The following SLC11A1 variants were observed in gnomAD, a reference collection of about 807,000 sequenced individuals.
SLC11A1 encodes the protein solute carrier family 11 member 1, also known as natural resistance-associated macrophage protein 1.
Under a neutral mutation model 63.2 loss-of-function variants are expected in SLC11A1, and 59 were observed. The ratio of observed to expected loss-of-function variants is 0.93; its 90% CI spans 0.76 to 1.16. The LOEUF (loss-of-function observed/expected upper bound fraction) is 1.16, where lower values mean the gene tolerates loss of function less well. Among genes scored for constraint, SLC11A1 ranks in the 50% most tolerant of loss-of-function variants. SLC11A1 has a pLI of 0.00. For missense variants in SLC11A1, 688 were observed against 730.7 expected (o/e 0.94, Z 0.67); for synonymous variants, 305 against 307.8 (o/e 0.99, Z 0.09).
In SLC11A1 at chr2:218,392,786, C is replaced by G. The variant is rs112890132; in HGVS notation, c.1165-195C>G. The G allele has an allele frequency of 7.3e-3, 3,596 of 494,508 alleles. 113 individuals are homozygous for G. Among genetic ancestry groups the G allele is most frequent in the African/African-American group, 0.067 (3,284 of 49,358 alleles). The allele number at this position is 494,508 out of a possible 1,614,324, so 30.6% of individuals were successfully genotyped here. A position where few individuals can be genotyped will look rare whatever the true frequency, so the allele number is the denominator to read the frequency against. ...CCAAAACTGTTTAGTCTTCAGCAAC[C>G]AGCTATGGGATGGGAGCTCCCCATT... On this transcript the variant is annotated intron_variant, in intron 11 of 14. Transcript: ENST00000233202.
intron 11 of SLC11A1, 132 bp downstream of exon 11, chr2:218,391,627 T>C: frequency 8.2e-7 from 1 of 1,215,800 alleles, no homozygotes; most frequent in East Asian, 2.6e-5. Context: ...TGTTTTTGTT[T>C]TTGTTGTTGT....
rs976425189 is a variant in SLC11A1, at chr2:218,396,831, G to A, written c.*1796G>A. The A allele has an allele frequency of 6.5e-6, 1 of 152,694 alleles. No homozygotes were observed. The highest frequency in any genetic ancestry group is 2.4e-5 in the African/African-American group (1 of 41,472). 9.5% of individuals were successfully genotyped at this position (152,694 alleles called of 1,614,324 possible). A position where few individuals can be genotyped will look rare whatever the true frequency, so the allele number is the denominator to read the frequency against. Reference sequence around the variant, plus strand: ...GGCATTGAGTGCCAGTCCTCTGCCAGGCTCTGTGTTACAAGTTGGGGAGGG... The same window carrying A: ...GGCATTGAGTGCCAGTCCTCTGCCAAGCTCTGTGTTACAAGTTGGGGAGGG... On this transcript the variant is annotated 3_prime_UTR_variant, in exon 15 of 15. Coordinates refer to ENST00000233202, the MANE Select transcript of SLC11A1 (RefSeq NM_000578.4).
chr2:218,393,279 G>C, intron 12 of SLC11A1, 149 bp downstream of exon 12: 1 of 778,770 alleles, frequency 1.3e-6, no homozygotes, highest in South Asian at 2.5e-5. Flanking sequence ...CAGCCACCCT[G>C]GGGGGCAGGA....
intron 11 of SLC11A1, chr2:218,391,786 C>A: frequency 2.8e-6 from 1 of 355,776 alleles, no homozygotes; most frequent in South Asian, 2.9e-5. Context: ...CCAGGCCTGG[C>A]TAATTTTTGT....
At chr2:218,390,608 C>T (rs1004345800) in intron 9 of SLC11A1, among the ~76,000 whole-genome samples, 4 of 152,216 alleles carry the variant, frequency 2.6e-5, no homozygotes, top group African/African-American at 4.8e-5. Flanking sequence ...GACCTGGGCA[C>T]TGCCACTGCC....
intron 1 of SLC11A1, 123 bp downstream of exon 1, chr2:218,382,498 G>C: frequency 9.8e-7 from 1 of 1,020,188 alleles, no homozygotes; most frequent in South Asian, 1.4e-5. Flanking sequence ...CTGGTCCCCC[G>C]TGGGAGTCCT....
intron 12 of SLC11A1, among the ~76,000 whole-genome samples, chr2:218,393,887 T>C (rs1039007896): frequency 6.6e-6 from 1 of 152,046 alleles, no homozygotes; most frequent in Non-Finnish European, 1.5e-5. Context: ...AAGTTACTAG[T>C]GGCAGGGCTT....
intron 2 of SLC11A1, 75 bp downstream of exon 2, chr2:218,383,177 G>A (rs1695896703): frequency 1.3e-6 from 2 of 1,527,954 alleles, no homozygotes; most frequent in South Asian, 1.2e-5. Flanking sequence ...TGGAGAATGG[G>A]GTCTCCTTAT....
At position 218,395,048 on chromosome 2, in the gene SLC11A1, G is replaced by A. The variant is rs1696685085; in HGVS notation, c.*13G>A. On this transcript the variant is annotated 3_prime_UTR_variant, in exon 15 of 15. Coordinates refer to ENST00000233202, the MANE Select transcript of SLC11A1 (RefSeq NM_000578.4). Reference sequence around the variant, plus strand: ...GACCTCTGGCTAGGCCCACACCAGGGCCTGGCTGGGAGTGGCATGTATGAC... The same window carrying A: ...GACCTCTGGCTAGGCCCACACCAGGACCTGGCTGGGAGTGGCATGTATGAC... 1.3e-6 allele frequency: 2 copies of A among 1,571,772 alleles called. No homozygotes were observed. The highest frequency in any genetic ancestry group is 2.7e-5 in the African/African-American group (2 of 73,910).
Position 218,396,488 on chromosome 2 carries a change from G to C in SLC11A1, c.*1453G>C, listed in dbSNP as rs888344831. On this transcript the variant is annotated 3_prime_UTR_variant, in exon 15 of 15. Coordinates refer to ENST00000233202, the MANE Select transcript of SLC11A1 (RefSeq NM_000578.4). Reference sequence around the variant, plus strand: ...CCCCCGATTTCCTGGGGACCCAGCAGGGCAGGCGGCCTGGCTCCGCGCTCA... The same window carrying C: ...CCCCCGATTTCCTGGGGACCCAGCACGGCAGGCGGCCTGGCTCCGCGCTCA... The C allele has an allele frequency of 6.6e-6, 1 of 152,466 alleles. No homozygotes were observed. The highest frequency in any genetic ancestry group is 2.4e-5 in the African/African-American group (1 of 41,468). The allele number at this position is 152,466 out of a possible 1,614,324, so 9.4% of individuals were successfully genotyped here. A position where few individuals can be genotyped will look rare whatever the true frequency, so the allele number is the denominator to read the frequency against.
Position 218,396,225 on chromosome 2 carries a change from G to A in SLC11A1, c.*1190G>A, listed in dbSNP as rs1696754636. On this transcript the variant is annotated 3_prime_UTR_variant, in exon 15 of 15. Coordinates refer to ENST00000233202, the MANE Select transcript of SLC11A1 (RefSeq NM_000578.4). ...CTTCGGGGAGAGTGGGTGGGAGGAAGCTGTGTGGGCGGGGAGCCCCCTCTG... is the reference window on the plus strand; with the variant it reads ...CTTCGGGGAGAGTGGGTGGGAGGAAACTGTGTGGGCGGGGAGCCCCCTCTG... The A allele has an allele frequency of 6.6e-6, 1 of 152,326 alleles. No homozygotes were observed. The highest frequency in any genetic ancestry group is 6.5e-5 in the Admixed American group (1 of 15,290). The allele number at this position is 152,326 out of a possible 1,614,324, so 9.4% of individuals were successfully genotyped here. A position where few individuals can be genotyped will look rare whatever the true frequency, so the allele number is the denominator to read the frequency against.
Position 218,394,782 on chromosome 2 carries a change from C to T in SLC11A1, c.1539C>T (p.Tyr513=). 6.2e-7 allele frequency: 1 copy of T among 1,612,334 alleles called. No individual in the cohort carries two copies. Residue 513 remains tyrosine, a synonymous_variant, in exon 14 of 15, where the codon TAC becomes TAT. Transcript: ENST00000233202. ...CAGCCTACCTGGGCCTCAGCACCTACCTGGTACAGTAGGGCCAGGGGATGC... is the reference window on the plus strand; with the variant it reads ...CAGCCTACCTGGGCCTCAGCACCTATCTGGTACAGTAGGGCCAGGGGATGC... ...LAAAYLGLST[Y]LVWTCCLAHG... is the part of the protein sequence containing the mutation.
Position 218,383,215 on chromosome 2 carries a change from T to C in SLC11A1, c.150+113T>C, listed in dbSNP as rs1238426949. 4 of 1,256,886 alleles carry C rather than the reference T, an allele frequency of 3.2e-6. No homozygotes were observed. The African/African-American group carries it at 4.5e-5, about 14-fold the overall frequency. 77.9% of individuals were successfully genotyped at this position (1,256,886 alleles called of 1,614,324 possible). A position where few individuals can be genotyped will look rare whatever the true frequency, so the allele number is the denominator to read the frequency against. ...TCATGGGTGGCAAGTCCCTTCCAGG[T>C]CTGAGCAGCAGTGGTGGACAGTGGC... On this transcript the variant is annotated intron_variant, in intron 2 of 14. Coordinates refer to ENST00000233202, the MANE Select transcript of SLC11A1 (RefSeq NM_000578.4).
At position 218,389,917 on chromosome 2, in the gene SLC11A1, C is replaced by T; in HGVS notation, c.843C>T (p.Asn281=). Residue 281 remains asparagine (N), a synonymous_variant, in exon 9 of 15, where the codon AAC becomes AAT. Transcript: ENST00000233202. ...GCCGAGCAGACATCAGAGAAGCCAACATGTACTTCCTGATTGAGGCCACCA... is the reference window on the plus strand; with the variant it reads ...GCCGAGCAGACATCAGAGAAGCCAATATGTACTTCCTGATTGAGGCCACCA... ...RARRADIREA[N]MYFLIEATIA... 1 of 1,614,014 alleles carries T rather than the reference C, an allele frequency of 6.2e-7. No individual in the cohort carries two copies. The highest frequency in any genetic ancestry group is 1.6e-4 in the Middle Eastern group (1 of 6,062).
rs1250608074 is a variant in SLC11A1, at chr2:218,383,111, C to T, written c.150+9C>T. ...TCCCAGACACAAAACCGGTGGGATG[C>T]TGGAAACTTCCTGGGGGCTTGCAAG... On this transcript the variant is annotated intron_variant, in intron 2 of 14. Transcript: ENST00000233202. The T allele has an allele frequency of 6.2e-7, 1 of 1,612,970 alleles. No individual in the cohort carries two copies. Among genetic ancestry groups the T allele is most frequent in the Non-Finnish European group, 8.5e-7 (1 of 1,179,526 alleles).
intron 12 of SLC11A1, among the ~76,000 whole-genome samples, chr2:218,393,587 C>T (rs1326033751): frequency 6.6e-6 from 1 of 150,672 alleles, no homozygotes; most frequent in Non-Finnish European, 1.5e-5. Context: ...AGCGATTCTT[C>T]TGCCTCAGCC....
intron 11 of SLC11A1, 126 bp downstream of exon 11, chr2:218,391,621 T>A: frequency 8.0e-7 from 1 of 1,247,836 alleles, no homozygotes; most frequent in South Asian, 1.6e-5. Flanking sequence ...TTTTTTTGTT[T>A]TTGTTTTTGT....
In SLC11A1 at chr2:218,395,013, A is replaced by G. The variant is rs1267978689; in HGVS notation, c.1631A>G (p.Gln544Arg). 1.4e-5 allele frequency: 23 copies of G among 1,608,362 alleles called. No individual in the cohort carries two copies. The highest frequency in any genetic ancestry group is 2.0e-5 in the Non-Finnish European group (23 of 1,177,124). The change falls in exon 15 of 15, where the codon CAG (glutamine) becomes CGG (arginine). Residue 544 changes from glutamine to arginine, a missense_variant. By Grantham distance (43) the Gln-to-Arg change is conservative (BLOSUM62 1). Coordinates refer to ENST00000233202, the MANE Select transcript of SLC11A1 (RefSeq NM_000578.4). ...CTGTATGGGCTCCTTGAAGAGGACC[A>G]GAAAGGGGAGACCTCTGGCTAGGCC... is the stretch of plus-strand genomic sequence containing the variant. The part of the protein sequence containing the change: ...HFLYGLLEED[Q>R]KGETSG
intron 1 of SLC11A1, among the ~76,000 whole-genome samples, chr2:218,382,751 C>T (rs761729124): frequency 2.0e-5 from 3 of 152,190 alleles, no homozygotes; most frequent in Non-Finnish European, 2.9e-5. Context: ...GGCATCTGTC[C>T]TCACATGAGA....
Sources: gnomAD v4.1 joint callset for allele counts (sites outside exome capture counted in the v4.1 genomes callset) on GRCh38, gnomAD v4.1.1 for gene constraint, MANE v1.5 for transcripts, NCBI Gene and HGNC (gene_info 2026-07-23, HGNC 2026-07-21) for gene names.